The following LRRC4C variants were observed in gnomAD, a reference collection of about 807,000 sequenced individuals.
LRRC4C encodes the protein leucine rich repeat containing 4C, also known as leucine-rich repeat-containing protein 4C.
In LRRC4C, 5 loss-of-function variants were observed where a neutral mutation model predicts 33.6. The ratio of observed to expected loss-of-function variants is 0.15; its 90% CI spans 0.08 to 0.31. LRRC4C has a LOEUF of 0.31. Among genes scored for constraint, LRRC4C ranks in the 10% least tolerant of loss-of-function variants. LRRC4C has a pLI of 1.00. For synonymous variants in LRRC4C, 329 were observed against 302.0 expected, an observed-to-expected ratio of 1.09 and a Z score of -0.93; for missense variants, 560 against 796.7, an observed-to-expected ratio of 0.70 and a Z score of 3.58.
At chr11:40,432,093 T>C (rs1950958670) in intron 3 of LRRC4C, among the ~76,000 whole-genome samples, 1 of 152,182 alleles carries the variant, frequency 6.6e-6, no homozygotes, top group Admixed American at 6.5e-5. Context: ...TTGATTTTCA[T>C]ATCAGCTGGC....
chr11:40,726,935 T>G (rs762086007), intron 2 of LRRC4C, among the ~76,000 whole-genome samples: 1 of 152,112 alleles, frequency 6.6e-6, no homozygotes, highest in Admixed American at 6.6e-5. Flanking sequence ...AATAAACAAA[T>G]ATCAGTAGCC....
At chr11:40,590,364 T>C (rs1255263514) in intron 3 of LRRC4C, among the ~76,000 whole-genome samples, 1 of 142,746 alleles carries the variant, frequency 7.0e-6, no homozygotes, top group Non-Finnish European at 1.6e-5. Context: ...TTGGTTATTC[T>C]ACTTATACAT....
intron 4 of LRRC4C, among the ~76,000 whole-genome samples, chr11:40,310,677 C>T (rs1945261875): frequency 6.6e-6 from 1 of 152,132 alleles, no homozygotes; most frequent in Non-Finnish European, 1.5e-5. Flanking sequence ...AACCACCCCA[C>T]CCCCTCCATA....
At chr11:40,982,959 T>C (rs1191262616) in intron 1 of LRRC4C, among the ~76,000 whole-genome samples, 1 of 152,188 alleles carries the variant, frequency 6.6e-6, no homozygotes, top group East Asian at 1.9e-4. Context: ...TTGCTAAGGA[T>C]AATGGTCTCC....
chr11:40,760,781 TTG>T (rs1293844206), intron 2 of LRRC4C, among the ~76,000 whole-genome samples: 3 of 101,250 alleles, frequency 3.0e-5, no homozygotes, highest in African/African-American at 8.0e-5. Flanking sequence ...TGGCCAATTT[TTG>T]TGTGTATATA....
chr11:40,673,725 C>T (rs1944246397), intron 2 of LRRC4C, among the ~76,000 whole-genome samples: 1 of 152,118 alleles, frequency 6.6e-6, no homozygotes, highest in Non-Finnish European at 1.5e-5. Context: ...CTAACGGATG[C>T]CAGACACTGC....
intron 1 of LRRC4C, among the ~76,000 whole-genome samples, chr11:41,199,541 GTTTTAA>G (rs957866304): frequency 2.6e-5 from 4 of 152,138 alleles, no homozygotes; most frequent in Non-Finnish European, 5.9e-5. Flanking sequence ...ATGGTAAAGA[GTTTTAA>G]TTTTATTTCA....
chr11:40,523,268 T>C (rs895526955), intron 3 of LRRC4C, among the ~76,000 whole-genome samples: 1 of 152,128 alleles, frequency 6.6e-6, no homozygotes, highest in African/African-American at 2.4e-5. Flanking sequence ...GATTTGCATT[T>C]TATTAATGCC....
intron 1 of LRRC4C, among the ~76,000 whole-genome samples, chr11:41,405,373 G>A (rs886341181): frequency 2.6e-5 from 4 of 151,998 alleles, no homozygotes; most frequent in African/African-American, 9.7e-5. Context: ...TCTTCCCTGT[G>A]TCATAGCAGG....
At chr11:40,944,844 T>C (rs1958318058) in intron 1 of LRRC4C, among the ~76,000 whole-genome samples, 2 of 152,170 alleles carry the variant, frequency 1.3e-5, no homozygotes, top group Non-Finnish European at 2.9e-5. Flanking sequence ...GACATTTGGC[T>C]AATGCTTTGC....
intron 2 of LRRC4C, among the ~76,000 whole-genome samples, chr11:40,840,926 T>C (rs571995696): frequency 6.6e-6 from 1 of 152,314 alleles, no homozygotes; most frequent in Non-Finnish European, 1.5e-5. Context: ...TCAACCTCTC[T>C]TGTTAATTAT....
intron 1 of LRRC4C, among the ~76,000 whole-genome samples, chr11:41,456,947 C>T (rs1459681241): frequency 6.6e-6 from 1 of 152,132 alleles, no homozygotes; most frequent in African/African-American, 2.4e-5. Flanking sequence ...ATGCTTTGCA[C>T]ATTTCATAAG....
At chr11:41,009,612 A>G (rs753108510) in intron 1 of LRRC4C, among the ~76,000 whole-genome samples, 83 of 152,156 alleles carry the variant, frequency 5.5e-4, no homozygotes, top group Non-Finnish European at 9.6e-4. Flanking sequence ...AGCCTCAGTC[A>G]GACCCTCAGG....
At chr11:40,670,550 G>T (rs1420070701) in intron 2 of LRRC4C, among the ~76,000 whole-genome samples, 2 of 152,048 alleles carry the variant, frequency 1.3e-5, no homozygotes, top group Non-Finnish European at 2.9e-5. Context: ...TTTCCTGAAG[G>T]ATAACAGCAA....
chr11:41,006,507 G>A (rs1854764216), intron 1 of LRRC4C, among the ~76,000 whole-genome samples: 1 of 152,126 alleles, frequency 6.6e-6, no homozygotes, highest in South Asian at 2.1e-4. Context: ...TCAAGCAGAT[G>A]TCATTTGAAA....
At chr11:40,343,725 A>AAAAAAG (rs1555025545) in intron 3 of LRRC4C, among the ~76,000 whole-genome samples, 4 of 151,088 alleles carry the variant, frequency 2.6e-5, no homozygotes, top group Non-Finnish European at 4.4e-5. Context: ...AAAAAAAAAA[A>AAAAAAG]AGAGAGAGAC....
chr11:40,607,044 A>T (rs1392604995), intron 3 of LRRC4C, among the ~76,000 whole-genome samples: 1 of 152,226 alleles, frequency 6.6e-6, no homozygotes, highest in African/African-American at 2.4e-5. Context: ...GCAAGAAAGA[A>T]GTGGAATTAT....
chr11:40,520,724 T>C (rs1955775001), intron 3 of LRRC4C, among the ~76,000 whole-genome samples: 1 of 152,186 alleles, frequency 6.6e-6, no homozygotes, highest in Non-Finnish European at 1.5e-5. Context: ...AAAGTGGCAT[T>C]GATAGACTTA....
At chr11:40,716,055 A>AC (rs1375920168) in intron 2 of LRRC4C, among the ~76,000 whole-genome samples, 1 of 152,026 alleles carries the variant, frequency 6.6e-6, no homozygotes, top group African/African-American at 2.4e-5. Context: ...CAAACAAAAA[A>AC]AAAACAAAAC....
Sources: allele counts gnomAD v4.1 joint callset (sites outside exome capture counted in the v4.1 genomes callset), GRCh38; gene constraint gnomAD v4.1.1; transcripts MANE v1.5; gene names NCBI Gene and HGNC (gene_info 2026-07-23, HGNC 2026-07-21).